Variants in GGA1 observed in about 807,000 individuals in gnomAD.
GGA1 encodes the protein golgi associated, gamma adaptin ear containing, ARF binding protein 1, also known as ADP-ribosylation factor-binding protein GGA1.
In GGA1, 18 loss-of-function variants were observed where a neutral mutation model predicts 76.9. That is an observed-to-expected ratio of 0.23 (90% CI 0.16 to 0.35). GGA1 has a LOEUF of 0.35. Among genes scored for constraint, GGA1 ranks in the 10% least tolerant of loss-of-function variants. The pLI, the probability that GGA1 is intolerant of heterozygous loss-of-function variation, is 1.00. For synonymous variants in GGA1, 342 were observed against 354.7 expected, an observed-to-expected ratio of 0.96 and a Z score of 0.40; for missense variants, 755 against 859.0, an observed-to-expected ratio of 0.88 and a Z score of 1.51.
chr22:37,618,359 G>A (rs1929207302), intron 3 of GGA1, 89 bp from the exon 4 acceptor site: 2 of 724,570 alleles, frequency 2.8e-6, no homozygotes, highest in Admixed American at 4.2e-5. Context: ...GCCCACCCAT[G>A]GGCTTCTGGC....
chr22:37,613,353 C>T (rs950695439), intron 1 of GGA1, among the ~76,000 whole-genome samples: 1 of 152,034 alleles, frequency 6.6e-6, no homozygotes, highest in Non-Finnish European at 1.5e-5. Flanking sequence ...CAGGCAGCCT[C>T]CTCAGCCCCA....
chr22:37,625,135 T>G lies in GGA1; in HGVS notation c.940+59T>G. 2 of 1,414,138 alleles carry G rather than the reference T, an allele frequency of 1.4e-6. No individual in the cohort carries two copies. The highest frequency in any genetic ancestry group is 2.0e-6 in the Non-Finnish European group (2 of 1,024,692). The allele number at this position is 1,414,138 out of a possible 1,614,324, so 87.6% of individuals were successfully genotyped here. On this transcript the variant is annotated intron_variant, in intron 10 of 16. Coordinates refer to ENST00000343632, the MANE Select transcript of GGA1 (RefSeq NM_013365.5). This position sits in a 1 kb window ranked among gnomAD's most constrained non-coding sequence, Gnocchi z 4.1. Reference sequence around the variant, plus strand: ...CATCAGGCTGGAGGGGCACAGAGAGTGCAGGGTGGTGTGCTGGTCTCAGAG... The same window carrying G: ...CATCAGGCTGGAGGGGCACAGAGAGGGCAGGGTGGTGTGCTGGTCTCAGAG...
At chr22:37,609,452 T>C (rs1927064850) in intron 1 of GGA1, 6 of 403,570 alleles carry the variant, frequency 1.5e-5, no homozygotes, top group Non-Finnish European at 2.2e-5. Context: ...AGCCACATAG[T>C]GAGAAACCCC....
chr22:37,621,730 G>T, intron 7 of GGA1, 34 bp downstream of exon 7: 2 of 1,420,086 alleles, frequency 1.4e-6, no homozygotes, highest in South Asian at 2.5e-5. Flanking sequence ...GGGAGGAGGC[G>T]GGATGGGGGT....
Position 37,623,642 on chromosome 22 carries a change from A to T in GGA1, c.832+9A>T, listed in dbSNP as rs1930292146. Reference sequence around the variant, plus strand: ...CAATGATGAGGCCTTAGGTGAGCCCAGGGCAGGTGCTGAGGTCAGGTCCCC... The same window carrying T: ...CAATGATGAGGCCTTAGGTGAGCCCTGGGCAGGTGCTGAGGTCAGGTCCCC... On this transcript the variant is annotated intron_variant, in intron 9 of 16. Transcript: ENST00000343632. The surrounding 1 kb of genome is among the most constrained non-coding windows in gnomAD (Gnocchi z 4.6). The T allele has an allele frequency of 6.4e-7, 1 of 1,556,390 alleles. No homozygotes were observed. The highest frequency in any genetic ancestry group is 1.2e-5 in the South Asian group (1 of 86,016).
intron 4 of GGA1, 35 bp downstream of exon 4, chr22:37,618,581 G>T: frequency 7.7e-7 from 1 of 1,300,362 alleles, no homozygotes; most frequent in Middle Eastern, 1.8e-4. Flanking sequence ...GACCTGCCCT[G>T]TCGGATGTGG....
intron 3 of GGA1, chr22:37,617,322 C>G: frequency 8.1e-7 from 1 of 1,241,676 alleles, no homozygotes; most frequent in Non-Finnish European, 1.0e-6. Flanking sequence ...CCACCCAGAC[C>G]TGCCGAGGCC....
At chr22:37,614,056 A>T (rs1408594688) in intron 1 of GGA1, 134 bp from the exon 2 acceptor site, 1 of 685,570 alleles carries the variant, frequency 1.5e-6, no homozygotes, top group Admixed American at 2.1e-5. Flanking sequence ...CTGGGCAGGA[A>T]GGCAGGGGGA....
At chr22:37,614,442 G>A (rs1014270626) in intron 2 of GGA1, among the ~76,000 whole-genome samples, 168 bp downstream of exon 2, 2 of 152,208 alleles carry the variant, frequency 1.3e-5, no homozygotes, top group African/African-American at 4.8e-5. Context: ...ACTCTCTGGG[G>A]TGGGCCTTGC....
Position 37,625,899 on chromosome 22 carries a change from A to G in GGA1, c.1043A>G (p.Glu348Gly). The change falls in exon 11 of 17, where the codon GAG becomes GGG. Residue 348 changes from glutamate (E) to glycine (G), a missense_variant. Glu to Gly is a moderately conservative substitution (Grantham distance 98). Transcript: ENST00000343632. The surrounding 1 kb of genome is among the most constrained non-coding windows in gnomAD (Gnocchi z 4.1). The stretch of plus-strand genomic sequence containing the variant: ...CGCCCTGGCGAGCAGGCCAGCCCTG[A>G]GCAGCCCAGTGCCTCAGTTTCCCTG... ...PTRPGEQASP[E>G]QPSASVSLLD... is the part of the protein sequence containing the mutation. 6.2e-7 allele frequency: 1 copy of G among 1,608,048 alleles called. No individual in the cohort carries two copies. The highest frequency in any genetic ancestry group is 8.5e-7 in the Non-Finnish European group (1 of 1,177,600).
chr22:37,616,786 G>A, intron 2 of GGA1, 136 bp from the exon 3 acceptor site: 1 of 1,063,694 alleles, frequency 9.4e-7, no homozygotes, highest in Non-Finnish European at 1.3e-6. Context: ...TCGGCGGCGG[G>A]CTGGGGTGGT....
intron 4 of GGA1, 50 bp from the exon 5 acceptor site, chr22:37,620,188 A>AG: frequency 6.2e-7 from 1 of 1,608,818 alleles, no homozygotes; most frequent in Non-Finnish European, 8.5e-7. Context: ...TTGAGACTGA[A>AG]GTGAGTGGGG....
At chr22:37,617,652 T>C (rs1929059383) in intron 3 of GGA1, 4 of 618,826 alleles carry the variant, frequency 6.5e-6, no homozygotes, top group Non-Finnish European at 8.1e-6. Context: ...TGAGCTATGA[T>C]TGTGCCACTG....
rs1174175235 is a variant in GGA1 at position 37,619,698 on chromosome 22, G to GT, written c.304-537dup. On this transcript the variant is annotated intron_variant, in intron 4 of 16. Transcript: ENST00000343632. ...GCCTACTGTGAACATTTCTTAAGCT[G>GT]TTTGAGTGACAGCCCACCCCCTTGG... 6 of 688,180 alleles carry GT rather than the reference G, an allele frequency of 8.7e-6. No individual in the cohort carries two copies. In the Middle Eastern group the frequency reaches 7.1e-4, roughly 82 times the overall value. 42.6% of individuals were successfully genotyped at this position (688,180 alleles called of 1,614,324 possible). A position where few individuals can be genotyped will look rare whatever the true frequency, so the allele number is the denominator to read the frequency against.
chr22:37,612,565 ATT>A (rs1927905732), intron 1 of GGA1: 1 of 135,440 alleles, frequency 7.4e-6, no homozygotes. Flanking sequence ...AGGTCAGGAG[ATT>A]GAGACCATCC....
At chr22:37,621,759 G>A (rs1338844085) in intron 7 of GGA1, 63 bp downstream of exon 7, 4 of 1,105,596 alleles carry the variant, frequency 3.6e-6, no homozygotes, top group South Asian at 1.4e-5. Flanking sequence ...GGGCCACTGA[G>A]ATGGGGCTGT....
intron 6 of GGA1, 56 bp from the exon 7 acceptor site, chr22:37,621,560 C>G: frequency 8.6e-7 from 1 of 1,159,272 alleles, no homozygotes; most frequent in South Asian, 1.3e-5. Context: ...TGACTCCAGT[C>G]TTCTGACCCC....
Position 37,616,935 on chromosome 22 carries a change from A to G in GGA1, c.142A>G (p.Thr48Ala). Residue 48 changes from threonine (T) to alanine (A), a missense_variant, in exon 3 of 17, where the codon ACC becomes GCC. Thr to Ala is a moderately conservative substitution (Grantham distance 58). Transcript: ENST00000343632. ...CCTCCCACCCAGGCCTCCACTCGCC[A>G]CCCGGCTGCTGGCCCACAAGATCCA... Reference protein sequence around the residue: ...NEDFEGPPLATRLLAHKIQSP... With the variant: ...NEDFEGPPLAARLLAHKIQSP... 1.2e-6 allele frequency: 2 copies of G among 1,606,752 alleles called. No individual in the cohort carries two copies. Among genetic ancestry groups the G allele is most frequent in the Non-Finnish European group, 8.5e-7 (1 of 1,176,932 alleles).
At position 37,625,745 on chromosome 22, in the gene GGA1, TG is replaced by T; in HGVS notation, c.941-51del. 12 of 1,412,258 alleles carry T rather than the reference TG, an allele frequency of 8.5e-6. No individual in the cohort carries two copies. The highest frequency in any genetic ancestry group is 1.1e-5 in the Non-Finnish European group (12 of 1,055,584). The allele number at this position is 1,412,258 out of a possible 1,614,324, so 87.5% of individuals were successfully genotyped here. On this transcript the variant is annotated intron_variant, in intron 10 of 16. Transcript: ENST00000343632. The surrounding 1 kb of genome is among the most constrained non-coding windows in gnomAD (Gnocchi z 4.1). The stretch of plus-strand genomic sequence containing the variant: ...GCTCCCCCGCAACCCCTGTGGACTC[TG>T]AGAGACACGTGTACACCCAGGACTT...
Sources: allele counts gnomAD v4.1 joint callset (sites outside exome capture counted in the v4.1 genomes callset), GRCh38; gene constraint gnomAD v4.1.1; non-coding constraint Gnocchi (gnomAD v3.1); transcripts MANE v1.5; gene names NCBI Gene and HGNC (gene_info 2026-07-23, HGNC 2026-07-21).